The following GPR21 variants were observed in gnomAD, a reference collection of about 807,000 sequenced individuals.
GPR21 encodes the protein probable G protein-coupled receptor 21.
In GPR21, 9 loss-of-function variants were observed where a neutral mutation model predicts 21.5. The observed-to-expected ratio is 0.42, with a 90% CI of 0.25 to 0.73. The LOEUF is 0.73. GPR21 is among the 30% of genes least tolerant of loss of function. The probability of loss-of-function intolerance (pLI) is 0.27; values close to 1 mark genes in which losing one functional copy is unlikely to be tolerated. For synonymous variants in GPR21, 169 were observed against 159.3 expected (o/e 1.06, Z -0.46); for missense variants, 416 against 428.9 (o/e 0.97, Z 0.27).
chr9:123,041,612 A>G, the GPR21 span, among the ~76,000 whole-genome samples: 1 of 152,214 alleles, frequency 6.6e-6, no homozygotes, highest in Non-Finnish European at 1.5e-5. Context: ...TATAATATGG[A>G]TAAAAAGAAG....
the GPR21 span, among the ~76,000 whole-genome samples, chr9:123,046,624 G>A: frequency 1.3e-5 from 2 of 152,208 alleles, no homozygotes; most frequent in African/African-American, 4.8e-5. Context: ...TGCATGTAAA[G>A]CTCTTAGCGT....
At chr9:123,043,993 C>T in the GPR21 span, among the ~76,000 whole-genome samples, 15 of 151,498 alleles carry the variant, frequency 9.9e-5, no homozygotes, top group Admixed American at 2.0e-4. Flanking sequence ...CTCCGCCTCC[C>T]GGGTTCAGGC....
At chr9:123,039,476 T>G (rs2032846111), downstream of GPR21, among the ~76,000 whole-genome samples, 1 of 152,180 alleles carries the variant, frequency 6.6e-6, no homozygotes, top group African/African-American at 2.4e-5. Context: ...GCCTTCTCCC[T>G]TCTGTAAGGT....
At chr9:123,046,704 G>A in the GPR21 span, among the ~76,000 whole-genome samples, 1 of 152,166 alleles carries the variant, frequency 6.6e-6, no homozygotes, top group African/African-American at 2.4e-5. Context: ...AGGGTAGTAT[G>A]GATGAAGCAG....
At position 123,035,231 on chromosome 9, in the gene GPR21, C is replaced by A. The variant is rs776038140; in HGVS notation, c.665C>A (p.Thr222Lys). Residue 222 changes from threonine to lysine, a missense_variant, in exon 2 of 2, where the codon ACA (threonine) becomes AAA (lysine). By Grantham distance (78) the Thr-to-Lys change is moderately conservative. Coordinates refer to ENST00000616002, the MANE Select transcript of GPR21 (RefSeq NM_005294.3). ...ATCTTCCGCATCTGCCAACAGCACA[C>A]AAAGGATATCAGCGAAAGGCAAGCC... ...FNIFRICQQH[T>K]KDISERQARF... 1 of 1,614,164 alleles carries A rather than the reference C, an allele frequency of 6.2e-7. No homozygotes were observed. Among genetic ancestry groups the A allele is most frequent in the Non-Finnish European group, 8.5e-7 (1 of 1,180,028 alleles).
rs145809014 is a variant in GPR21, at chr9:123,035,056, T to G, written c.490T>G (p.Ser164Ala). ...WLYSTLVFLP[S>A]FFHWGKPGYH... ...ATACTCGACCCTGGTCTTCCTGCCT[T>G]CCTTTTTCCACTGGGGCAAACCTGG... The change falls in exon 2 of 2, where the codon TCC becomes GCC. Residue 164 changes from serine to alanine, a missense_variant. Coordinates refer to ENST00000616002, the MANE Select transcript of GPR21 (RefSeq NM_005294.3). 7.0e-5 allele frequency: 113 copies of G among 1,614,014 alleles called. No homozygotes were observed. Among genetic ancestry groups the G allele is most frequent in the Middle Eastern group, 3.3e-4 (2 of 6,082 alleles).
downstream of GPR21, among the ~76,000 whole-genome samples, chr9:123,039,611 G>T (rs567568898): frequency 6.6e-6 from 1 of 152,220 alleles, no homozygotes; most frequent in East Asian, 1.9e-4. Flanking sequence ...GATTAATGTG[G>T]TAATGTGAGT....
chr9:123,039,585 CTT>C (rs557944535), downstream of GPR21, among the ~76,000 whole-genome samples: 203 of 152,246 alleles, frequency 1.3e-3, 2 homozygotes, highest in Middle Eastern at 6.8e-3. Context: ...AATAATATCT[CTT>C]TTTGGTATCA....
downstream of GPR21, among the ~76,000 whole-genome samples, chr9:123,037,476 A>G (rs1564151589): frequency 6.6e-6 from 1 of 152,210 alleles, no homozygotes; most frequent in Non-Finnish European, 1.5e-5. Context: ...TGGCTTGGTT[A>G]AATTGCCATT....
downstream of GPR21, among the ~76,000 whole-genome samples, chr9:123,036,135 A>G (rs2032646646): frequency 6.6e-6 from 1 of 152,260 alleles, no homozygotes; most frequent in Non-Finnish European, 1.5e-5. Context: ...GCAAGTTTCA[A>G]CACTGTCATT....
At chr9:123,040,604 C>T (rs1381009911), downstream of GPR21, among the ~76,000 whole-genome samples, 3 of 152,098 alleles carry the variant, frequency 2.0e-5, no homozygotes, top group Admixed American at 2.0e-4. Context: ...CATTCTTTCT[C>T]TTTAAGGTGC....
chr9:123,035,331 T>C lies in GPR21; in HGVS notation c.765T>C (p.Phe255=), dbSNP rs763181351. 2 of 1,614,068 alleles carry C rather than the reference T, an allele frequency of 1.2e-6. No homozygotes were observed. Among genetic ancestry groups the C allele is most frequent in the African/African-American group, 1.3e-5 (1 of 74,930 alleles). ...ATAAGCGCTATGCCATGGTCCTGTT[T>C]CGAATCACTAGTGTATTTTACATCC... The part of the protein sequence containing the change: ...CPDKRYAMVL[F]RITSVFYILW... Residue 255 remains phenylalanine (F), a synonymous_variant, in exon 2 of 2, where the codon TTT becomes TTC. Transcript: ENST00000616002.
At chr9:123,046,016 G>C in the GPR21 span, among the ~76,000 whole-genome samples, 1 of 152,154 alleles carries the variant, frequency 6.6e-6, no homozygotes, top group Non-Finnish European at 1.5e-5. Context: ...AAAGGCCTTG[G>C]GTGAATGTGG....
the GPR21 span, among the ~76,000 whole-genome samples, chr9:123,046,335 G>A: frequency 5.3e-5 from 8 of 152,172 alleles, no homozygotes; most frequent in Non-Finnish European, 8.8e-5. Flanking sequence ...TTAAAAATGA[G>A]TTGGTCTTAT....
In GPR21 at chr9:123,035,167, G is replaced by A. The variant is rs1176034293; in HGVS notation, c.601G>A (p.Ala201Thr). 2 of 1,613,948 alleles carry A rather than the reference G, an allele frequency of 1.2e-6. No individual in the cohort carries two copies. Among genetic ancestry groups the A allele is most frequent in the Non-Finnish European group, 8.5e-7 (1 of 1,179,884 alleles). ...CCTGTTCATCGTGATGATGTTATATGCCCCAGCAGCCCTTATTGTCTGCTT... is the reference window on the plus strand; with the variant it reads ...CCTGTTCATCGTGATGATGTTATATACCCCAGCAGCCCTTATTGTCTGCTT... Reference protein sequence around the residue: ...FTLFIVMMLYAPAALIVCFTY... With the variant: ...FTLFIVMMLYTPAALIVCFTY... The change falls in exon 2 of 2, where the codon GCC becomes ACC. Residue 201 changes from alanine to threonine, a missense_variant. Physicochemically the swap from Ala to Thr is moderately conservative, Grantham distance 58 (BLOSUM62 0). Coordinates refer to ENST00000616002, the MANE Select transcript of GPR21 (RefSeq NM_005294.3).
chr9:123,044,268 T>TA, the GPR21 span, among the ~76,000 whole-genome samples: 1 of 152,054 alleles, frequency 6.6e-6, no homozygotes, highest in Admixed American at 6.6e-5. Flanking sequence ...TTAACAGAAG[T>TA]AAAGGGAAAT....
intron 1 of GPR21, 62 bp from the exon 2 acceptor site, chr9:123,034,109 A>G (rs981123146): frequency 1.2e-5 from 2 of 167,246 alleles, no homozygotes; most frequent in African/African-American, 4.8e-5. Context: ...TGAGCTAGCC[A>G]GGTTCTTTGA....
At chr9:123,042,155 C>T in the GPR21 span, among the ~76,000 whole-genome samples, 2 of 152,202 alleles carry the variant, frequency 1.3e-5, no homozygotes, top group Non-Finnish European at 2.9e-5. Context: ...ACTACACTCT[C>T]AGAATGTTCT....
chr9:123,048,151 C>G, the GPR21 span, among the ~76,000 whole-genome samples: 1 of 151,892 alleles, frequency 6.6e-6, no homozygotes. Context: ...GTTGGCCAGG[C>G]TGGTCTCGAA....
Sources: gnomAD v4.1 joint callset for allele counts (sites outside exome capture counted in the v4.1 genomes callset) on GRCh38, gnomAD v4.1.1 for gene constraint, MANE v1.5 for transcripts, NCBI Gene and HGNC (gene_info 2026-07-23, HGNC 2026-07-21) for gene names.